Variants in ADAMTSL1 observed in about 807,000 individuals in gnomAD.
The protein encoded by ADAMTSL1 is ADAMTS like 1.
A neutral mutation model predicts 201.8 loss-of-function variants in ADAMTSL1; 126 were observed. The ratio of observed to expected loss-of-function variants is 0.62; its 90% CI spans 0.54 to 0.72. The LOEUF (loss-of-function observed/expected upper bound fraction) is 0.72, where lower values mean the gene tolerates loss of function less well. Among genes scored for constraint, ADAMTSL1 ranks in the 30% least tolerant of loss-of-function variants. The pLI, the probability that ADAMTSL1 is intolerant of heterozygous loss-of-function variation, is 0.00. For synonymous variants in ADAMTSL1, 1,121 were observed against 903.4 expected, an observed-to-expected ratio of 1.24 and a Z score of -4.32; for missense variants, 2,679 against 2,277.8, an observed-to-expected ratio of 1.18 and a Z score of -3.59.
intron 7 of ADAMTSL1, among the ~76,000 whole-genome samples, chr9:18,653,173 A>G (rs1039660018): frequency 1.1e-4 from 16 of 152,196 alleles, no homozygotes; most frequent in African/African-American, 3.6e-4. Context: ...GGATGCAGAG[A>G]CAGAGAACTG....
chr9:18,402,746 G>T (rs1015510519), intron 2 of ADAMTSL1, among the ~76,000 whole-genome samples: 2 of 152,042 alleles, frequency 1.3e-5, no homozygotes, highest in South Asian at 4.2e-4. Flanking sequence ...TTCAGTTCAG[G>T]CACCATTCCT....
chr9:18,015,649 T>C lies in ADAMTSL1; in HGVS notation c.87+108727T>C, dbSNP rs115428161. 3.1e-3 allele frequency among the ~76,000 whole-genome samples: 473 copies of C among 152,182 alleles called. 1 individual carries two copies. Among genetic ancestry groups the C allele is most frequent in the African/African-American group, 0.011 (437 of 41,550 alleles). On this transcript the variant is annotated intron_variant, in intron 1 of 29. Coordinates refer to the ADAMTSL1 transcript ENST00000680146. The stretch of plus-strand genomic sequence containing the variant: ...CAGTCTCAGAATGTTTAAGGAATTT[T>C]TGTAATGTCCTGCGCTTATTAAGAG...
chr9:18,774,950 A>G (rs1437900295), intron 17 of ADAMTSL1, among the ~76,000 whole-genome samples: 1 of 152,214 alleles, frequency 6.6e-6, no homozygotes, highest in African/African-American at 2.4e-5. Context: ...ACTTTGTAAG[A>G]AACTACCAAT....
chr9:18,685,983 G>T lies in ADAMTSL1; in HGVS notation c.1574+1183G>T, dbSNP rs554668782. On this transcript the variant is annotated intron_variant, in intron 13 of 28. Coordinates refer to ENST00000380548, the MANE Select transcript of ADAMTSL1 (RefSeq NM_001040272.6). ...ACCCGGGCATGGATGTAGTGGCACG[G>T]TCATAACTCACTGCAGCTTTCACCT... 1.2e-4 allele frequency among the ~76,000 whole-genome samples: 18 copies of T among 151,940 alleles called. 1 individual carries two copies. The highest frequency in any genetic ancestry group is 4.3e-4 in the African/African-American group (18 of 41,442).
At chr9:18,549,367 T>C (rs934408130) in intron 3 of ADAMTSL1, among the ~76,000 whole-genome samples, 2 of 151,974 alleles carry the variant, frequency 1.3e-5, no homozygotes, top group African/African-American at 4.8e-5. Context: ...TTTTGTACTC[T>C]CAACTTTCAG....
At chr9:18,286,056 G>A (rs530757518) in intron 2 of ADAMTSL1, among the ~76,000 whole-genome samples, 2 of 151,780 alleles carry the variant, frequency 1.3e-5, no homozygotes, top group Admixed American at 1.3e-4. Flanking sequence ...TCTCTCTGTG[G>A]ATTTACACCT....
At chr9:18,101,493 G>A (rs541144375) in intron 1 of ADAMTSL1, among the ~76,000 whole-genome samples, 60 of 146,230 alleles carry the variant, frequency 4.1e-4, no homozygotes, top group African/African-American at 1.1e-3. Context: ...GTGAGACTCC[G>A]TCTCAAAAAA....
chr9:18,854,510 G>T (rs1382838880), intron 23 of ADAMTSL1, among the ~76,000 whole-genome samples: 1 of 152,144 alleles, frequency 6.6e-6, no homozygotes, highest in Admixed American at 6.6e-5. Context: ...ATGGGTGTGA[G>T]GAAGACTTTT....
At position 18,775,806 on chromosome 9, in the gene ADAMTSL1, AC is replaced by A. The variant is rs1441019280; in HGVS notation, c.2463del (p.Gly822AlafsTer136). On this transcript the variant is annotated frameshift_variant, in exon 18 of 29. Transcript: ENST00000380548. LOFTEE classifies it high-confidence loss of function. Reference protein sequence around the residue: ...RSAICRKMLKTGLSTVVNSTL... With the variant: ...RSAICRKMLKXGLSTVVNSTL... ...CGCCATTTGCCGAAAGATGCTGAAA[AC>A]CGGCCTCTCAACGGTTGTCAATTCC... is the stretch of plus-strand genomic sequence containing the variant. 6.2e-7 allele frequency: 1 copy of A among 1,611,346 alleles called. No individual in the cohort carries two copies. The highest frequency in any genetic ancestry group is 8.5e-7 in the Non-Finnish European group (1 of 1,178,806).
rs898294459 is a variant in ADAMTSL1, at chr9:18,132,663, A to C, written c.88-31199A>C. On this transcript the variant is annotated intron_variant, in intron 1 of 29. Transcript: ENST00000680146. Reference sequence around the variant, plus strand: ...CTCAGGCTTCTCCAACTTCCAGTCTATCATGTATGTTACTTTGAGCTTTAT... The same window carrying C: ...CTCAGGCTTCTCCAACTTCCAGTCTCTCATGTATGTTACTTTGAGCTTTAT... Among the ~76,000 whole-genome samples, 12 of 152,182 alleles carry C rather than the reference A, an allele frequency of 7.9e-5. No homozygotes were observed. The East Asian group carries it at 2.3e-3, about 29-fold the overall frequency.
intron 20 of ADAMTSL1, among the ~76,000 whole-genome samples, chr9:18,815,072 G>C (rs1445911509): frequency 6.6e-6 from 1 of 152,160 alleles, no homozygotes; most frequent in African/African-American, 2.4e-5. Flanking sequence ...TACTGGCGCA[G>C]ATGTGGAGAA....
intron 1 of ADAMTSL1, among the ~76,000 whole-genome samples, chr9:17,915,876 T>C (rs1014157389): frequency 2.1e-4 from 32 of 152,224 alleles, no homozygotes; most frequent in African/African-American, 7.2e-4. Flanking sequence ...TAGCCCATTA[T>C]AGGATTGTTA....
intron 2 of ADAMTSL1, among the ~76,000 whole-genome samples, chr9:18,262,528 C>T (rs1257752956): frequency 3.9e-5 from 6 of 152,168 alleles, no homozygotes; most frequent in Non-Finnish European, 7.3e-5. Context: ...TGAGCTTCTT[C>T]TATTCTTGAG....
rs775380153 is a variant in ADAMTSL1 at position 18,291,035 on chromosome 9, C to T, written c.207+127054C>T. ...TGACCTTGTGATCCGCCCACCTCAG[C>T]CTCCCAAAGTGCTGGGATTACAGGC... On this transcript the variant is annotated intron_variant, in intron 2 of 29. Transcript: ENST00000680146. 2.0e-5 allele frequency among the ~76,000 whole-genome samples: 3 copies of T among 152,124 alleles called. No individual in the cohort carries two copies. The South Asian group carries it at 6.2e-4, about 32-fold the overall frequency.
At chr9:18,800,041 C>T (rs972695077) in intron 20 of ADAMTSL1, among the ~76,000 whole-genome samples, 1 of 152,086 alleles carries the variant, frequency 6.6e-6, no homozygotes, top group Non-Finnish European at 1.5e-5. Context: ...GTCAACAATA[C>T]AAAGGCTAAC....
chr9:18,352,148 A>T (rs1835995013), intron 2 of ADAMTSL1, among the ~76,000 whole-genome samples: 1 of 152,180 alleles, frequency 6.6e-6, no homozygotes, highest in Non-Finnish European at 1.5e-5. Flanking sequence ...TGTAGCTTCT[A>T]TAGTGTTATC....
At chr9:18,445,852 T>C (rs961275916) in intron 2 of ADAMTSL1, among the ~76,000 whole-genome samples, 1 of 152,150 alleles carries the variant, frequency 6.6e-6, no homozygotes, top group Non-Finnish European at 1.5e-5. Context: ...CAGAATAATA[T>C]ACTAAGAATT....
At chr9:18,116,127 G>A (rs775086016) in intron 1 of ADAMTSL1, among the ~76,000 whole-genome samples, 2 of 152,086 alleles carry the variant, frequency 1.3e-5, no homozygotes, top group African/African-American at 2.4e-5. Flanking sequence ...CTGTGCAGTC[G>A]AAGGCTTGAT....
chr9:18,498,471 G>A (rs967425106), intron 1 of ADAMTSL1, among the ~76,000 whole-genome samples: 1 of 151,804 alleles, frequency 6.6e-6, no homozygotes, highest in Non-Finnish European at 1.5e-5. Context: ...CAAGTAGCTA[G>A]GATTACAGGC....
Sources: gnomAD v4.1 joint callset for allele counts (sites outside exome capture counted in the v4.1 genomes callset) on GRCh38, gnomAD v4.1.1 for gene constraint, MANE v1.5 for transcripts, NCBI Gene and HGNC (gene_info 2026-07-23, HGNC 2026-07-21) for gene names.